The following CORO7 variants were observed in gnomAD, a reference collection of about 807,000 sequenced individuals.
The protein encoded by CORO7 is coronin 7, also known as coronin-7.
A neutral mutation model predicts 126.6 loss-of-function variants in CORO7; 107 were observed. The observed-to-expected ratio is 0.85, with a 90% CI of 0.72 to 0.99. The LOEUF is 0.99. Ranked by LOEUF, CORO7 falls within the 50% of genes least tolerant of loss-of-function variation. The probability of loss-of-function intolerance (pLI) is 0.00; values close to 1 mark genes in which losing one functional copy is unlikely to be tolerated. For synonymous variants in CORO7, 603 were observed against 536.8 expected, an observed-to-expected ratio of 1.12 and a Z score of -1.70; for missense variants, 1,314 against 1,255.8, an observed-to-expected ratio of 1.05 and a Z score of -0.70.
chr16:4,407,445 G>T (rs139956915), intron 5 of CORO7, 56 bp downstream of exon 5: 2 of 1,528,372 alleles, frequency 1.3e-6, no homozygotes, highest in South Asian at 1.2e-5. Context: ...ACAAAGAAAC[G>T]GAGTGCTGTC....
intron 2 of CORO7, 112 bp downstream of exon 2, chr16:4,413,196 A>C: frequency 8.9e-7 from 1 of 1,125,356 alleles, no homozygotes; most frequent in Non-Finnish European, 1.3e-6. Flanking sequence ...CCCCCAAAGC[A>C]GTTCCGTTCC....
intron 7 of CORO7, among the ~76,000 whole-genome samples, chr16:4,390,497 A>G (rs1229547314): frequency 2.6e-5 from 4 of 152,180 alleles, no homozygotes; most frequent in Non-Finnish European, 5.9e-5. Flanking sequence ...GGGAGGGTTG[A>G]TAGGCGTGAG....
At position 4,362,697 on chromosome 16, in the gene CORO7, GGAGGGC is replaced by G; in HGVS notation, c.1311_1316del (p.Pro438_Ser439del). 1.4e-6 allele frequency: 2 copies of G among 1,468,514 alleles called. No homozygotes were observed. The highest frequency in any genetic ancestry group is 1.8e-6 in the Non-Finnish European group (2 of 1,108,338). The allele number at this position is 1,468,514 out of a possible 1,614,324, so 91.0% of individuals were successfully genotyped here. On this transcript the variant is annotated inframe_deletion, in exon 15 of 28. Coordinates refer to ENST00000251166, the MANE Select transcript of CORO7 (RefSeq NM_024535.5). The surrounding 1 kb of genome is among the most constrained non-coding windows in gnomAD (Gnocchi z 5.3). ...GTGAGGGCCCCAGGCTGGAGGGCGT[GGAGGGC>G]GAGGTCAGCGAACTGGGAGGGGAAG...
At chr16:4,359,245 G>C (rs1179596525) in intron 23 of CORO7, 51 bp downstream of exon 23, 3 of 1,525,144 alleles carry the variant, frequency 2.0e-6, no homozygotes, top group Non-Finnish European at 2.6e-6. Flanking sequence ...CCACCAGGGG[G>C]CAGGGCAGCC....
In CORO7 at chr16:4,416,443, C is replaced by T; in HGVS notation, c.60+16G>A. The T allele has an allele frequency of 1.3e-6, 2 of 1,564,216 alleles. No individual in the cohort carries two copies. Among genetic ancestry groups the T allele is most frequent in the Non-Finnish European group, 1.7e-6 (2 of 1,160,484 alleles). Reference sequence around the variant, plus strand: ...GGGCCCGAGGCGACAGCGCCCGGTCCTCGGGCCGGACTCACCTCGCGGCGG... The same window carrying T: ...GGGCCCGAGGCGACAGCGCCCGGTCTTCGGGCCGGACTCACCTCGCGGCGG... On this transcript the variant is annotated intron_variant, in intron 1 of 27. Transcript: ENST00000251166.
At chr16:4,407,731 G>T in intron 4 of CORO7, 47 bp from the exon 5 acceptor site, 1 of 1,509,744 alleles carries the variant, frequency 6.6e-7, no homozygotes, top group Non-Finnish European at 8.8e-7. Context: ...GGGCCTCACT[G>T]CCTTGAGTCA....
chr16:4,367,569 G>A (rs879356305), intron 9 of CORO7, among the ~76,000 whole-genome samples: 9 of 152,168 alleles, frequency 5.9e-5, no homozygotes, highest in Admixed American at 4.6e-4. Context: ...AAGGTTCACC[G>A]AGGACACACA....
At chr16:4,402,711 C>A (rs960347095) in intron 6 of CORO7, among the ~76,000 whole-genome samples, 2 of 152,196 alleles carry the variant, frequency 1.3e-5, no homozygotes, top group African/African-American at 4.8e-5. Flanking sequence ...AGAGTGGGCA[C>A]TGAGGCTGCT....
At chr16:4,406,082 C>T (rs1296809257) in intron 5 of CORO7, among the ~76,000 whole-genome samples, 2 of 151,956 alleles carry the variant, frequency 1.3e-5, no homozygotes, top group African/African-American at 4.8e-5. Context: ...TCACTGCAAT[C>T]TCCGCCTCCT....
chr16:4,388,105 G>A (rs780213749), intron 8 of CORO7, 37 bp from the exon 9 acceptor site: 19 of 1,592,732 alleles, frequency 1.2e-5, no homozygotes, highest in Non-Finnish European at 1.6e-5. Flanking sequence ...AGAGGGGCCT[G>A]TCCCTCAGCC....
chr16:4,361,321 C>T, intron 17 of CORO7, 40 bp downstream of exon 17: 1 of 1,611,172 alleles, frequency 6.2e-7, no homozygotes, highest in Non-Finnish European at 8.5e-7. Context: ...TATCCGGGAC[C>T]CAGGACCCTC....
rs1430455315 is a variant in CORO7, at chr16:4,362,260, G to A, written c.1403-100C>T. On this transcript the variant is annotated intron_variant, in intron 15 of 27. Coordinates refer to ENST00000251166, the MANE Select transcript of CORO7 (RefSeq NM_024535.5). This position sits in a 1 kb window ranked among gnomAD's most constrained non-coding sequence, Gnocchi z 5.3. ...CTGCCCACTCCCCTCACCCCAGGTG[G>A]ATGTACAGCATGGACCTAGGCCCAG... The A allele has an allele frequency of 1.4e-6, 2 of 1,466,946 alleles. No individual in the cohort carries two copies. The highest frequency in any genetic ancestry group is 1.4e-5 in the African/African-American group (1 of 70,626). 90.9% of individuals were successfully genotyped at this position (1,466,946 alleles called of 1,614,324 possible).
intron 9 of CORO7, chr16:4,382,911 A>T: frequency 6.7e-7 from 1 of 1,491,418 alleles, no homozygotes; most frequent in Middle Eastern, 1.8e-4. Context: ...CCAGAGAGAG[A>T]CAGGGCAGCT....
At chr16:4,388,734 G>A in intron 7 of CORO7, 103 bp from the exon 8 acceptor site, 1 of 1,279,688 alleles carries the variant, frequency 7.8e-7, no homozygotes, top group Non-Finnish European at 1.1e-6. Context: ...CCACCTGCCT[G>A]AAAGCCTCAC....
chr16:4,381,716 C>A, intron 9 of CORO7: 3 of 1,607,032 alleles, frequency 1.9e-6, no homozygotes, highest in Non-Finnish European at 2.5e-6. Flanking sequence ...CAGGCCCTGC[C>A]TGGCGACCTC....
rs759028531 is a variant in CORO7, at chr16:4,364,274, ACGCT to A, written c.1273_1275+1del. Reference sequence around the variant, plus strand: ...GAGGATGGGGGCGGCCCTGGTACTTACGCTTGCGTCTGCATCACCCACGGGTGTC... The same window carrying A: ...GAGGATGGGGGCGGCCCTGGTACTTATGCGTCTGCATCACCCACGGGTGTC... On this transcript the variant is annotated splice_donor_variant and coding_sequence_variant, in exon 14 of 28. Transcript: ENST00000251166. LOFTEE classifies it high-confidence loss of function. The A allele has an allele frequency of 2.9e-5, 44 of 1,533,050 alleles. No individual in the cohort carries two copies. Among genetic ancestry groups the A allele is most frequent in the Admixed American group, 4.2e-5 (2 of 47,358 alleles). The allele number at this position is 1,533,050 out of a possible 1,614,324, so 95.0% of individuals were successfully genotyped here.
intron 9 of CORO7, 101 bp downstream of exon 9, chr16:4,387,885 C>G (rs973923533): frequency 1.4e-6 from 2 of 1,465,736 alleles, no homozygotes; most frequent in East Asian, 2.4e-5. Flanking sequence ...CAGAACACCC[C>G]GGAGATCAGC....
intron 24 of CORO7, 42 bp downstream of exon 24, chr16:4,358,325 G>A (rs768794010): frequency 4.2e-5 from 67 of 1,601,348 alleles, no homozygotes; most frequent in Non-Finnish European, 5.2e-5. Context: ...TCTAGGCACC[G>A]AGAAGGCGGT....
intron 6 of CORO7, 60 bp from the exon 7 acceptor site, chr16:4,395,399 A>G (rs1268094132): frequency 1.9e-6 from 3 of 1,609,194 alleles, no homozygotes; most frequent in Non-Finnish European, 2.5e-6. Context: ...CCTGGAAGCC[A>G]GCCTGCTCCC....
Sources: gnomAD v4.1 joint callset for allele counts (sites outside exome capture counted in the v4.1 genomes callset) on GRCh38, gnomAD v4.1.1 for gene constraint, Gnocchi (gnomAD v3.1) non-coding constraint, MANE v1.5 for transcripts, NCBI Gene and HGNC (gene_info 2026-07-23, HGNC 2026-07-21) for gene names.